The following KIF16B variants were observed in gnomAD, a reference collection of about 807,000 sequenced individuals.
KIF16B encodes kinesin family member 16B.
A neutral mutation model predicts 156.3 loss-of-function variants in KIF16B; 98 were observed. That is an observed-to-expected ratio of 0.63 (90% CI 0.53 to 0.74). KIF16B has a LOEUF of 0.74. Among genes scored for constraint, KIF16B ranks in the 30% least tolerant of loss-of-function variants. KIF16B has a pLI of 0.00. For synonymous variants in KIF16B, 564 were observed against 583.7 expected, an observed-to-expected ratio of 0.97 and a Z score of 0.49; for missense variants, 1,421 against 1,606.5, an observed-to-expected ratio of 0.88 and a Z score of 1.97.
intron 25 of KIF16B, among the ~76,000 whole-genome samples, chr20:16,280,187 A>C (rs2063124479): frequency 6.6e-6 from 1 of 152,144 alleles, no homozygotes; most frequent in South Asian, 2.1e-4. Flanking sequence ...TTGAACTGTA[A>C]ATCTTTTGGG....
intron 16 of KIF16B, among the ~76,000 whole-genome samples, chr20:16,405,715 A>G (rs2065765857): frequency 1.3e-5 from 2 of 152,120 alleles, no homozygotes; most frequent in African/African-American, 4.8e-5. Context: ...TGGGGGTATT[A>G]ACGGCTGCTG....
At chr20:16,388,150 A>G (rs2065271718) in intron 17 of KIF16B, among the ~76,000 whole-genome samples, 1 of 152,214 alleles carries the variant, frequency 6.6e-6, no homozygotes, top group South Asian at 2.1e-4. Context: ...ACAAACAAAA[A>G]ATGCCGTAAA....
At chr20:16,365,109 C>G (rs755067758) in intron 22 of KIF16B, among the ~76,000 whole-genome samples, 4 of 152,116 alleles carry the variant, frequency 2.6e-5, no homozygotes, top group Non-Finnish European at 4.4e-5. Flanking sequence ...GTTTTTCTTT[C>G]TTTCTTTTTT....
intron 17 of KIF16B, 59 bp from the exon 18 acceptor site, chr20:16,381,806 ACT>A: frequency 5.1e-6 from 7 of 1,364,528 alleles, no homozygotes; most frequent in Non-Finnish European, 6.2e-6. Flanking sequence ...TCTCTCTCTC[ACT>A]CTCTGTATAC....
chr20:16,449,485 T>C lies in KIF16B; in HGVS notation c.1303-19503A>G, dbSNP rs1422418676. On this transcript the variant is annotated intron_variant, in intron 12 of 25. Coordinates refer to ENST00000354981, the MANE Select transcript of KIF16B (RefSeq NM_024704.5). ...TCACATAGTTCTTCATGTGCAAAAG[T>C]AGCAAAATCACCAAAAGAAGGTCCA... is the stretch of plus-strand genomic sequence containing the variant. 4.6e-5 allele frequency among the ~76,000 whole-genome samples: 7 copies of C among 152,138 alleles called. No homozygotes were observed. The South Asian group carries it at 6.2e-4, about 13-fold the overall frequency.
rs369431930 is a variant in KIF16B at position 16,513,715 on chromosome 20, AC to A, written c.349-793del. Reference sequence around the variant, plus strand: ...GCTATGTCCCTCCTTTGACAGAGTAACCCCTACCCTGGCCTTCCTCGATGGA... The same window carrying A: ...GCTATGTCCCTCCTTTGACAGAGTAACCCTACCCTGGCCTTCCTCGATGGA... On this transcript the variant is annotated intron_variant, in intron 4 of 25. Transcript: ENST00000354981. Among the ~76,000 whole-genome samples, 105 of 151,498 alleles carry A rather than the reference AC, an allele frequency of 6.9e-4. 1 individual carries two copies. The East Asian group carries it at 0.014, about 20-fold the overall frequency.
chr20:16,504,652 G>T, intron 9 of KIF16B, 105 bp from the exon 10 acceptor site: 1 of 858,508 alleles, frequency 1.2e-6, no homozygotes, highest in Non-Finnish European at 1.9e-6. Flanking sequence ...GGTCATTGGA[G>T]AGACTAAATA....
chr20:16,463,928 A>C (rs1288519626), intron 12 of KIF16B, among the ~76,000 whole-genome samples: 1 of 152,160 alleles, frequency 6.6e-6, no homozygotes, highest in Admixed American at 6.5e-5. Flanking sequence ...ACCACTGCTA[A>C]AGCAATTCTC....
rs182880984 is a variant in KIF16B at position 16,512,348 on chromosome 20, C to T, written c.446+478G>A. On this transcript the variant is annotated intron_variant, in intron 5 of 25. Coordinates refer to ENST00000354981, the MANE Select transcript of KIF16B (RefSeq NM_024704.5). Reference sequence around the variant, plus strand: ...AAGCAGTCAAGTAGGTGTAAAAATCCTATATTGCCATGTCTGCCCTTGAAA... The same window carrying T: ...AAGCAGTCAAGTAGGTGTAAAAATCTTATATTGCCATGTCTGCCCTTGAAA... Among the ~76,000 whole-genome samples, 431 of 152,226 alleles carry T rather than the reference C, an allele frequency of 2.8e-3. 6 individuals carry two copies. The highest frequency in any genetic ancestry group is 4.1e-3 in the Non-Finnish European group (278 of 68,010).
intron 12 of KIF16B, among the ~76,000 whole-genome samples, chr20:16,470,910 T>C (rs1458593946): frequency 6.6e-6 from 1 of 151,972 alleles, no homozygotes; most frequent in African/African-American, 2.4e-5. Context: ...TATGTGAACA[T>C]AGCACCTTCA....
chr20:16,317,009 G>T (rs1242089988), intron 24 of KIF16B, among the ~76,000 whole-genome samples: 1 of 152,184 alleles, frequency 6.6e-6, no homozygotes, highest in Non-Finnish European at 1.5e-5. Context: ...GAGAAGATGT[G>T]ATTCTGAATT....
At chr20:16,291,387 G>A (rs1184679419) in intron 25 of KIF16B, among the ~76,000 whole-genome samples, 1 of 152,228 alleles carries the variant, frequency 6.6e-6, no homozygotes, top group Non-Finnish European at 1.5e-5. Flanking sequence ...TTAGGCAGCT[G>A]ATTAAACATG....
At chr20:16,367,771 G>A (rs1399254639) in intron 22 of KIF16B, 13 of 1,612,548 alleles carry the variant, frequency 8.1e-6, no homozygotes, top group Non-Finnish European at 1.1e-5. Flanking sequence ...GGGATGATTA[G>A]CGCAGGCAGC....
intron 12 of KIF16B, among the ~76,000 whole-genome samples, chr20:16,455,802 A>T (rs1301500384): frequency 9.9e-5 from 15 of 152,194 alleles, no homozygotes. Context: ...GGAACAAACC[A>T]CTGACCCTAA....
chr20:16,490,768 T>C (rs1377703535), intron 12 of KIF16B, among the ~76,000 whole-genome samples: 1 of 152,176 alleles, frequency 6.6e-6, no homozygotes, highest in Non-Finnish European at 1.5e-5. Context: ...TTTTAAGCCA[T>C]CCAGTCTGTG....
intron 1 of KIF16B, among the ~76,000 whole-genome samples, chr20:16,569,899 A>T (rs1051994313): frequency 1.3e-5 from 2 of 152,218 alleles, no homozygotes; most frequent in African/African-American, 2.4e-5. Context: ...TGCCTAATGG[A>T]TTCATCATCA....
chr20:16,573,358 G>A lies in KIF16B; in HGVS notation c.-83C>T. 4 of 1,473,098 alleles carry A rather than the reference G, an allele frequency of 2.7e-6. No individual in the cohort carries two copies. The highest frequency in any genetic ancestry group is 1.2e-5 in the South Asian group (1 of 82,444). 91.3% of individuals were successfully genotyped at this position (1,473,098 alleles called of 1,614,324 possible). The stretch of plus-strand genomic sequence containing the variant: ...GGCGACGCTGGCTACTCAGATCGCG[G>A]CTCCCGCCCACTTCCCTCTCGCCCC... On this transcript the variant is annotated 5_prime_UTR_variant, in exon 1 of 26. Transcript: ENST00000354981.
chr20:16,306,002 T>C (rs1454639408), intron 25 of KIF16B, among the ~76,000 whole-genome samples: 3 of 152,198 alleles, frequency 2.0e-5, no homozygotes, highest in Non-Finnish European at 2.9e-5. Flanking sequence ...ATAAGAATTA[T>C]TAATACACTC....
At chr20:16,478,561 ACT>A (rs1234082766) in intron 12 of KIF16B, among the ~76,000 whole-genome samples, 6 of 151,872 alleles carry the variant, frequency 4.0e-5, no homozygotes, top group Non-Finnish European at 4.4e-5. Flanking sequence ...CGCATGATGA[ACT>A]CTCTCACCTT....
Sources: allele counts gnomAD v4.1 joint callset (sites outside exome capture counted in the v4.1 genomes callset), GRCh38; gene constraint gnomAD v4.1.1; transcripts MANE v1.5; gene names NCBI Gene and HGNC (gene_info 2026-07-23, HGNC 2026-07-21).